SPATA16: variants seen among roughly 807,000 people sequenced by gnomAD.
The protein encoded by SPATA16 is spermatogenesis associated 16.
In SPATA16, 36 loss-of-function variants were observed where a neutral mutation model predicts 63.3. The observed-to-expected ratio is 0.57, with a 90% confidence interval of 0.44 to 0.75. SPATA16 has a LOEUF of 0.75. Ranked by LOEUF, SPATA16 falls within the 30% of genes least tolerant of loss-of-function variation. The pLI is 0.00. For missense variants in SPATA16, 646 were observed against 679.3 expected (o/e 0.95, Z 0.54); for synonymous variants, 203 against 216.7 (o/e 0.94, Z 0.56).
chr3:173,124,578 A>G (rs188066061), intron 1 of SPATA16, among the ~76,000 whole-genome samples: 35 of 152,274 alleles, frequency 2.3e-4, no homozygotes, highest in Admixed American at 1.5e-3. Context: ...TGATGCCTGC[A>G]CTGATGTAGC....
intron 2 of SPATA16, among the ~76,000 whole-genome samples, chr3:173,058,456 C>T (rs1736302317): frequency 1.3e-5 from 2 of 152,040 alleles, no homozygotes; most frequent in South Asian, 4.1e-4. Flanking sequence ...ACAATTGAAT[C>T]CAGAAAATAC....
intron 3 of SPATA16, among the ~76,000 whole-genome samples, 156 bp from the exon 4 acceptor site, chr3:173,019,731 A>T (rs577205731): frequency 1.3e-5 from 2 of 152,326 alleles, no homozygotes; most frequent in East Asian, 3.9e-4. Context: ...CGTAATTGGC[A>T]ATTAAGACAA....
At chr3:173,016,186 T>A (rs1214319801) in intron 4 of SPATA16, among the ~76,000 whole-genome samples, 1 of 152,204 alleles carries the variant, frequency 6.6e-6, no homozygotes, top group African/African-American at 2.4e-5. Flanking sequence ...CCATTTTTGT[T>A]CAATTTCTAT....
intron 4 of SPATA16, among the ~76,000 whole-genome samples, chr3:172,989,910 T>C (rs1340958371): frequency 1.3e-5 from 2 of 152,208 alleles, no homozygotes; most frequent in African/African-American, 4.8e-5. Flanking sequence ...ATATAGGTAG[T>C]GTAGGTTTGT....
At chr3:173,111,228 C>T (rs1384515586) in intron 2 of SPATA16, among the ~76,000 whole-genome samples, 2 of 151,970 alleles carry the variant, frequency 1.3e-5, no homozygotes, top group South Asian at 2.1e-4. Flanking sequence ...GTGCCTAGAA[C>T]GTGAAACCCT....
At chr3:173,066,099 A>T (rs1736514268) in intron 2 of SPATA16, among the ~76,000 whole-genome samples, 1 of 152,082 alleles carries the variant, frequency 6.6e-6, no homozygotes, top group South Asian at 2.1e-4. Flanking sequence ...AGTGCAGTGG[A>T]CTGTGCCTCA....
chr3:173,103,769 T>G (rs1383571341), intron 2 of SPATA16, among the ~76,000 whole-genome samples: 2 of 152,234 alleles, frequency 1.3e-5, no homozygotes, highest in African/African-American at 2.4e-5. Flanking sequence ...CCTAGCTACA[T>G]TTTAGTCATG....
At position 173,117,476 on chromosome 3, in the gene SPATA16, C is replaced by A. The variant is rs1737936335; in HGVS notation, c.256G>T (p.Ala86Ser). ...DLEKAAFKRK[A>S]EGEEKPTRKK... is the part of the protein sequence containing the mutation. ...CTAGTTGGCTTTTCTTCACCTTCTGCCTTCCGTTTAAAGGCTGCTTTCTCT... is the reference window on the plus strand; with the variant it reads ...CTAGTTGGCTTTTCTTCACCTTCTGACTTCCGTTTAAAGGCTGCTTTCTCT... Residue 86 changes from alanine to serine, a missense_variant, in exon 2 of 11, where the codon GCA becomes TCA. Ala to Ser is a moderately conservative substitution (Grantham distance 99). Transcript: ENST00000351008. 2.5e-6 allele frequency: 4 copies of A among 1,614,130 alleles called. No homozygotes were observed. In the South Asian group the frequency reaches 4.4e-5, roughly 18 times the overall value.
At chr3:172,957,756 C>T (rs1024045252) in intron 5 of SPATA16, among the ~76,000 whole-genome samples, 2 of 152,034 alleles carry the variant, frequency 1.3e-5, no homozygotes, top group African/African-American at 4.8e-5. Context: ...AGAGAAAAAA[C>T]CATTTAACAA....
At chr3:172,990,215 A>C in intron 4 of SPATA16, among the ~76,000 whole-genome samples, 1 of 152,224 alleles carries the variant, frequency 6.6e-6, no homozygotes, top group East Asian at 1.9e-4. Flanking sequence ...AATAATTGTA[A>C]GCTCCATAAG....
intron 2 of SPATA16, among the ~76,000 whole-genome samples, chr3:173,080,643 T>C (rs1344879595): frequency 6.6e-6 from 1 of 152,212 alleles, no homozygotes; most frequent in Non-Finnish European, 1.5e-5. Context: ...TGATGACTAA[T>C]GGAAGAACTA....
intron 6 of SPATA16, among the ~76,000 whole-genome samples, chr3:172,945,539 C>T (rs1028385971): frequency 2.0e-5 from 3 of 152,210 alleles, no homozygotes; most frequent in African/African-American, 4.8e-5. Flanking sequence ...GTCACCCCTT[C>T]CCCATTCCCT....
intron 4 of SPATA16, among the ~76,000 whole-genome samples, chr3:173,005,875 C>A (rs576010373): frequency 6.6e-6 from 1 of 152,160 alleles, no homozygotes; most frequent in Admixed American, 6.5e-5. Context: ...AGGTCACCTG[C>A]TTTTCTTCAA....
At chr3:172,960,951 C>A (rs1189113351) in intron 5 of SPATA16, among the ~76,000 whole-genome samples, 1 of 140,800 alleles carries the variant, frequency 7.1e-6, no homozygotes, top group Non-Finnish European at 1.5e-5. Context: ...CTCTTCCCCC[C>A]TCCCTCTCTC....
intron 9 of SPATA16, among the ~76,000 whole-genome samples, 176 bp downstream of exon 9, chr3:172,916,141 C>A (rs1732478062): frequency 6.6e-6 from 1 of 152,130 alleles, no homozygotes; most frequent in Non-Finnish European, 1.5e-5. Context: ...AAAAACCAGA[C>A]ACACACCTTC....
intron 3 of SPATA16, among the ~76,000 whole-genome samples, chr3:173,027,717 G>A (rs903554249): frequency 2.0e-5 from 3 of 151,642 alleles, no homozygotes; most frequent in South Asian, 4.2e-4. Context: ...TCTTCCCCGG[G>A]CCCAAGAGAG....
At chr3:173,134,507 T>C (rs1418271944) in intron 1 of SPATA16, among the ~76,000 whole-genome samples, 3 of 151,076 alleles carry the variant, frequency 2.0e-5, no homozygotes, top group African/African-American at 7.4e-5. Flanking sequence ...AAAAAAAAAG[T>C]AAGCCATTGT....
At position 173,117,184 on chromosome 3, in the gene SPATA16, G is replaced by A. The variant is rs755809423; in HGVS notation, c.548C>T (p.Ala183Val). The change falls in exon 2 of 11, where the codon GCC (alanine) becomes GTC (valine). Residue 183 changes from alanine (A) to valine (V), a missense_variant. Transcript: ENST00000351008. ...DKWLQVALKD[A>V]SSCYRQKKYA... ...TTTCTTTTGTCTATAGCAAGAGCTG[G>A]CATCCTTTAAGGCTACCTGAAGCCA... 1.9e-6 allele frequency: 3 copies of A among 1,614,084 alleles called. No individual in the cohort carries two copies. Among genetic ancestry groups the A allele is most frequent in the Admixed American group, 1.7e-5 (1 of 60,022 alleles).
At chr3:173,025,750 G>T (rs1313278904) in intron 3 of SPATA16, among the ~76,000 whole-genome samples, 2 of 151,884 alleles carry the variant, frequency 1.3e-5, no homozygotes, top group East Asian at 3.8e-4. Context: ...TAGAATAATG[G>T]TTTTGAGATT....
Sources: allele counts gnomAD v4.1 joint callset (sites outside exome capture counted in the v4.1 genomes callset), GRCh38; gene constraint gnomAD v4.1.1; transcripts MANE v1.5; gene names NCBI Gene and HGNC (gene_info 2026-07-23, HGNC 2026-07-21).